Variants in AGTPBP1 observed in about 807,000 individuals in gnomAD.
AGTPBP1 encodes the protein cytosolic carboxypeptidase 1.
In AGTPBP1, 70 loss-of-function variants were observed where a neutral mutation model predicts 143.9. That is an observed-to-expected ratio of 0.49 (90% CI 0.40 to 0.59). AGTPBP1 has a LOEUF of 0.59. AGTPBP1 is among the 20% of genes least tolerant of loss of function. AGTPBP1 has a pLI of 0.00. For missense variants in AGTPBP1, 1,229 were observed against 1,464.5 expected (o/e 0.84, Z 2.62); for synonymous variants, 463 against 500.2 (o/e 0.93, Z 0.99).
Position 85,584,708 on chromosome 9 carries a change from C to T in AGTPBP1, c.3165+755G>A, listed in dbSNP as rs1587682788. Among the ~76,000 whole-genome samples, 3 of 152,248 alleles carry T rather than the reference C, an allele frequency of 2.0e-5. No individual in the cohort carries two copies. The South Asian group carries it at 6.2e-4, about 32-fold the overall frequency. ...AATCAATAGCTTTCCTATCTACCAT[C>T]AATGATCAACTGGGGGCAGGAAGGT... On this transcript the variant is annotated intron_variant, in intron 23 of 25. Transcript: ENST00000357081.
chr9:85,714,085 A>G (rs924200154), intron 1 of AGTPBP1, among the ~76,000 whole-genome samples: 18 of 152,248 alleles, frequency 1.2e-4, no homozygotes, highest in Non-Finnish European at 5.9e-5. Context: ...CACTAATATC[A>G]TAGCCAACTG....
the AGTPBP1 span, among the ~76,000 whole-genome samples, chr9:85,782,577 T>C: frequency 5.0e-4 from 76 of 152,286 alleles, no homozygotes; most frequent in African/African-American, 1.6e-3. Context: ...TCAAGAATAA[T>C]TCCCTTTAGC....
chr9:85,596,365 T>G lies in AGTPBP1; in HGVS notation c.2420A>C (p.Tyr807Ser). The G allele has an allele frequency of 6.3e-7, 1 of 1,595,648 alleles. No homozygotes were observed. The highest frequency in any genetic ancestry group is 8.6e-7 in the Non-Finnish European group (1 of 1,167,498). Reference sequence around the variant, plus strand: ...TTAATATTCTTAAAATACTTACTTATAGTAACAAATGTCAGTCCCCATACG... The same window carrying G: ...TTAATATTCTTAAAATACTTACTTAGAGTAACAAATGTCAGTCCCCATACG... ...WIRMGTDICY[Y>S]KNHFSRSSVA... The change falls in exon 18 of 26, where the codon TAT becomes TCT. Residue 807 changes from tyrosine to serine, a missense_variant. Coordinates refer to ENST00000357081, the MANE Select transcript of AGTPBP1 (RefSeq NM_001330701.2).
chr9:85,717,987 G>C (rs928636913), intron 1 of AGTPBP1, among the ~76,000 whole-genome samples: 24 of 152,054 alleles, frequency 1.6e-4, no homozygotes, highest in African/African-American at 5.8e-4. Flanking sequence ...CTTCATCCAC[G>C]TCCCTGCAAA....
the AGTPBP1 span, among the ~76,000 whole-genome samples, chr9:85,767,857 C>T: frequency 1.3e-5 from 2 of 152,132 alleles, no homozygotes; most frequent in African/African-American, 4.8e-5. Flanking sequence ...TTTCATTTTA[C>T]TTGGTCTCTG....
rs1354026135 is a variant in AGTPBP1 at position 85,572,015 on chromosome 9, T to G, written c.3503+3300A>C. ...AGTTGTTTGTGTGTGTTTTTTTTTT[T>G]TTTTTTTTTTTTTTTTTTTTTTTTT... On this transcript the variant is annotated intron_variant, in intron 25 of 25. Coordinates refer to ENST00000357081, the MANE Select transcript of AGTPBP1 (RefSeq NM_001330701.2). 9.6e-4 allele frequency among the ~76,000 whole-genome samples: 18 copies of G among 18,698 alleles called. No homozygotes were observed. The African/African-American group carries it at 0.011, about 12-fold the overall frequency. The allele number at this position is 18,698 out of a possible 152,430, so 12.3% of individuals were successfully genotyped here.
At chr9:85,665,272 C>A (rs1431395869) in intron 8 of AGTPBP1, among the ~76,000 whole-genome samples, 2 of 152,150 alleles carry the variant, frequency 1.3e-5, no homozygotes, top group Middle Eastern at 6.8e-3. Context: ...GGGGAGAGTG[C>A]CATGTGATGA....
At chr9:85,777,274 GAGTA>G in the AGTPBP1 span, among the ~76,000 whole-genome samples, 2 of 152,176 alleles carry the variant, frequency 1.3e-5, no homozygotes, top group East Asian at 1.9e-4. Context: ...CCCACATCCG[GAGTA>G]AGTGTCTGTT....
intron 25 of AGTPBP1, among the ~76,000 whole-genome samples, chr9:85,559,291 A>G (rs1002512689): frequency 5.9e-5 from 9 of 152,166 alleles, no homozygotes; most frequent in Admixed American, 3.3e-4. Context: ...GCAATTACCA[A>G]TAAATGCCCT....
chr9:85,633,335 ATACAAAAGGCTTTGG>A lies in AGTPBP1; in HGVS notation c.1327_1341del (p.Pro443_Val447del). 6.3e-7 allele frequency: 1 copy of A among 1,593,740 alleles called. No individual in the cohort carries two copies. Among genetic ancestry groups the A allele is most frequent in the African/African-American group, 1.4e-5 (1 of 73,622 alleles). On this transcript the variant is annotated inframe_deletion, in exon 14 of 26. Coordinates refer to ENST00000357081, the MANE Select transcript of AGTPBP1 (RefSeq NM_001330701.2). Reference sequence around the variant, plus strand: ...ATAGGACCACGTACTTTTCCCTCAAATACAAAAGGCTTTGGTTCTTTGGAGATTAAATCATAGTCC... The same window carrying A: ...ATAGGACCACGTACTTTTCCCTCAAATTCTTTGGAGATTAAATCATAGTCC...
intron 2 of AGTPBP1, among the ~76,000 whole-genome samples, chr9:85,704,153 T>A (rs1440524551): frequency 6.6e-6 from 1 of 152,108 alleles, no homozygotes; most frequent in African/African-American, 2.4e-5. Context: ...CCTTGACAGT[T>A]TCAGGTAATG....
chr9:85,707,924 G>T lies in AGTPBP1; in HGVS notation c.32+4578C>A, dbSNP rs562173233. 3.3e-3 allele frequency among the ~76,000 whole-genome samples: 491 copies of T among 150,892 alleles called. 4 individuals carry two copies. The highest frequency in any genetic ancestry group is 0.011 in the African/African-American group (451 of 41,058). The stretch of plus-strand genomic sequence containing the variant: ...ACTGAGGCCTGTTCGGGGGTGGGGG[G>T]CTAGGGGAGGGATAGCATTAGGAGA... On this transcript the variant is annotated intron_variant, in intron 2 of 25. Transcript: ENST00000357081.
At chr9:85,641,347 G>A (rs1478122171) in intron 13 of AGTPBP1, among the ~76,000 whole-genome samples, 1 of 152,140 alleles carries the variant, frequency 6.6e-6, no homozygotes, top group African/African-American at 2.4e-5. Flanking sequence ...TTTTCAAGTG[G>A]TTCTTAACTA....
intron 13 of AGTPBP1, among the ~76,000 whole-genome samples, chr9:85,639,364 C>G (rs1031258404): frequency 8.2e-6 from 1 of 122,660 alleles, no homozygotes; most frequent in African/African-American, 3.4e-5. Context: ...TGCGCGCGCA[C>G]GCGCACACAC....
At chr9:85,766,577 T>TAC in the AGTPBP1 span, among the ~76,000 whole-genome samples, 1 of 152,128 alleles carries the variant, frequency 6.6e-6, no homozygotes, top group Non-Finnish European at 1.5e-5. Context: ...TGGTGCATGA[T>TAC]ACCTATTTTG....
intron 3 of AGTPBP1, among the ~76,000 whole-genome samples, chr9:85,690,747 G>A (rs1835813940): frequency 6.6e-6 from 1 of 151,722 alleles, no homozygotes; most frequent in Non-Finnish European, 1.5e-5. Flanking sequence ...ATGGTCAGGA[G>A]TATTTTCAGT....
intron 1 of AGTPBP1, among the ~76,000 whole-genome samples, chr9:85,731,712 A>T (rs1838891965): frequency 6.6e-6 from 1 of 152,166 alleles, no homozygotes; most frequent in South Asian, 2.1e-4. Context: ...GGCCTCCCAA[A>T]GTACTGAGAT....
intron 1 of AGTPBP1, among the ~76,000 whole-genome samples, chr9:85,731,560 A>AGTAATCC (rs748648832): frequency 1.3e-3 from 201 of 152,214 alleles, no homozygotes; most frequent in Non-Finnish European, 2.3e-3. Context: ...CCTGGGCTCA[A>AGTAATCC]GTAATCCTTC....
upstream of AGTPBP1, among the ~76,000 whole-genome samples, chr9:85,745,322 A>C (rs956310453): frequency 6.6e-5 from 10 of 152,364 alleles, no homozygotes; most frequent in South Asian, 1.4e-3. Flanking sequence ...ATGATTGATC[A>C]TGAGGTTTCT....
Sources: gnomAD v4.1 joint callset for allele counts (sites outside exome capture counted in the v4.1 genomes callset) on GRCh38, gnomAD v4.1.1 for gene constraint, MANE v1.5 for transcripts, NCBI Gene and HGNC (gene_info 2026-07-23, HGNC 2026-07-21) for gene names.